UQCRQ: variants seen among roughly 807,000 people sequenced by gnomAD.
UQCRQ encodes ubiquinol-cytochrome c reductase complex III subunit VII, also known as cytochrome b-c1 complex subunit 8.
A neutral mutation model predicts 7.9 loss-of-function variants in UQCRQ; 9 were observed. That is an observed-to-expected ratio of 1.13 (90% CI 0.68 to 1.98). The LOEUF is 1.98. Among genes scored for constraint, UQCRQ ranks in the 30% most tolerant of loss-of-function variants. The probability of loss-of-function intolerance (pLI) is 0.00; values close to 1 mark genes in which losing one functional copy is unlikely to be tolerated. For missense variants in UQCRQ, 112 were observed against 109.7 expected (o/e 1.02, Z -0.10); for synonymous variants, 50 against 41.9 (o/e 1.19, Z -0.75).
rs1759659384 is a variant in UQCRQ at position 132,867,356 on chromosome 5, A to C, written c.155-132A>C. 7.7e-6 allele frequency: 6 copies of C among 775,126 alleles called. No homozygotes were observed. The Admixed American group carries it at 1.3e-4, about 17-fold the overall frequency. The allele number at this position is 775,126 out of a possible 1,614,324, so 48.0% of individuals were successfully genotyped here. On this transcript the variant is annotated intron_variant, in intron 2 of 2. Coordinates refer to ENST00000378670, the MANE Select transcript of UQCRQ (RefSeq NM_014402.5). ...TAAACGTGCAGCAGATAGTGATGAT[A>C]GTTGCATGGCCTTGGATATGCTAAG...
At position 132,866,691 on chromosome 5, in the gene UQCRQ, C is replaced by G. The variant is rs997885904; in HGVS notation, c.-14+4C>G. ...TGTGGAGGGCGAGCTGAGCCCTGTG[C>G]GTGAGTGGGGTCTGGTTGTGCAGTG... is the stretch of plus-strand genomic sequence containing the variant. On this transcript the variant is annotated splice_donor_region_variant and intron_variant, in intron 1 of 2. Coordinates refer to ENST00000378670, the MANE Select transcript of UQCRQ (RefSeq NM_014402.5). 6.0e-6 allele frequency: 4 copies of G among 669,942 alleles called. No individual in the cohort carries two copies. Among genetic ancestry groups the G allele is most frequent in the East Asian group, 5.5e-5 (2 of 36,476 alleles). The allele number at this position is 669,942 out of a possible 1,614,324, so 41.5% of individuals were successfully genotyped here.
chr5:132,866,764 A>G, intron 1 of UQCRQ, 77 bp downstream of exon 1: 5 of 1,437,294 alleles, frequency 3.5e-6, no homozygotes, highest in Non-Finnish European at 4.7e-6. Flanking sequence ...CTGGGAAAGG[A>G]TAAGGAGTGC....
intron 2 of UQCRQ, chr5:132,867,281 C>A: frequency 1.4e-6 from 1 of 696,876 alleles, no homozygotes; most frequent in Non-Finnish European, 2.4e-6. Flanking sequence ...CAGCATGTTC[C>A]TCTGAGGTCA....
chr5:132,867,052 C>T lies in UQCRQ; in HGVS notation c.154+17C>T, dbSNP rs145649482. The T allele has an allele frequency of 0.02, 31,903 of 1,613,260 alleles. 404 individuals are homozygous for T. The highest frequency in any genetic ancestry group is 0.024 in the Non-Finnish European group (27,784 of 1,179,678). On this transcript the variant is annotated intron_variant, in intron 2 of 2. Transcript: ENST00000378670. ...TGGTGCCGCGTGAGTGCCTTGGGCC[C>T]GCGGGAGCGGGAGGCTGGACCCCAG...
rs1759668299 is a variant in UQCRQ, at chr5:132,867,557, C to T, written c.224C>T (p.Pro75Leu). The change falls in exon 3 of 3, where the codon CCA becomes CTA. Residue 75 changes from proline to leucine, a missense_variant. By Grantham distance (98) the Pro-to-Leu change is moderately conservative. Transcript: ENST00000378670. Reference sequence around the variant, plus strand: ...TTCGAGAGATCCAAGAGGAAGAATCCAGCTGCCTATGAAAATGACAAATGA... The same window carrying T: ...TTCGAGAGATCCAAGAGGAAGAATCTAGCTGCCTATGAAAATGACAAATGA... ...EEFERSKRKN[P>L]AAYENDK 6.2e-7 allele frequency: 1 copy of T among 1,614,080 alleles called. No homozygotes were observed. The highest frequency in any genetic ancestry group is 1.3e-5 in the African/African-American group (1 of 75,016).
rs777465775 is a variant in UQCRQ, at chr5:132,866,887, C to A, written c.6C>A (p.Gly2=). The A allele has an allele frequency of 2.5e-6, 4 of 1,613,792 alleles. No individual in the cohort carries two copies. The South Asian group carries it at 4.4e-5, about 18-fold the overall frequency. The change falls in exon 2 of 3, where the codon GGC becomes GGA. Residue 2 remains glycine (G), a synonymous_variant. Coordinates refer to ENST00000378670, the MANE Select transcript of UQCRQ (RefSeq NM_014402.5). The stretch of plus-strand genomic sequence containing the variant: ...CCTGCAGGGCCGCCGCCACAATGGG[C>A]CGCGAGTTTGGGAATCTGACGCGGA... The part of the protein sequence containing the change: M[G]REFGNLTRMR...
rs1759668786 is a variant in UQCRQ, at chr5:132,867,564, C to T, written c.231C>T (p.Ala77=). ...FERSKRKNPA[A]YENDK ...GATCCAAGAGGAAGAATCCAGCTGC[C>T]TATGAAAATGACAAATGAGCAACGC... Residue 77 remains alanine, a synonymous_variant, in exon 3 of 3, where the codon GCC becomes GCT. Coordinates refer to ENST00000378670, the MANE Select transcript of UQCRQ (RefSeq NM_014402.5). 4 of 1,614,026 alleles carry T rather than the reference C, an allele frequency of 2.5e-6. No homozygotes were observed. In the South Asian group the frequency reaches 4.4e-5, roughly 18 times the overall value.
intron 2 of UQCRQ, 137 bp from the exon 3 acceptor site, chr5:132,867,351 A>G: frequency 1.3e-6 from 1 of 767,230 alleles, no homozygotes; most frequent in South Asian, 1.5e-5. Flanking sequence ...GCAGATAGTG[A>G]TGATAGTTGC....
Position 132,868,755 on chromosome 5 carries a change from AG to A in UQCRQ, c.*1175del, listed in dbSNP as rs67367845. 0.46 allele frequency among the ~76,000 whole-genome samples: 69,916 copies of A among 151,920 alleles called. 16,767 individuals are homozygous for A. Among genetic ancestry groups the A allele is most frequent in the South Asian group, 0.59 (2,833 of 4,810 alleles). ...CACAGCAGTTTTCTGTTTCTGTGCC[AG>A]GAGGCCAACAATGTTTTCAACCATA... On this transcript the variant is annotated 3_prime_UTR_variant, in exon 3 of 3. Transcript: ENST00000378670.
At chr5:132,867,442 T>G in intron 2 of UQCRQ, 46 bp from the exon 3 acceptor site, 1 of 1,489,542 alleles carries the variant, frequency 6.7e-7, no homozygotes. Context: ...TTTTCTTCTA[T>G]ATGTCTTATA....
Position 132,867,872 on chromosome 5 carries a change from C to T in UQCRQ, c.*290C>T, listed in dbSNP as rs1244947810. The T allele has an allele frequency of 1.1e-5, 5 of 445,210 alleles. No homozygotes were observed. The highest frequency in any genetic ancestry group is 4.0e-5 in the African/African-American group (2 of 50,306). 27.6% of individuals were successfully genotyped at this position (445,210 alleles called of 1,614,324 possible). Reference sequence around the variant, plus strand: ...TAGCTGCAGGTACTCCTGCATCTAACCATTTGTGGGTGACATGGGCTATGG... The same window carrying T: ...TAGCTGCAGGTACTCCTGCATCTAATCATTTGTGGGTGACATGGGCTATGG... On this transcript the variant is annotated 3_prime_UTR_variant, in exon 3 of 3. Transcript: ENST00000378670.
rs757960750 is a variant in UQCRQ, at chr5:132,866,886, G to T, written c.5G>T (p.Gly2Val). 6.2e-7 allele frequency: 1 copy of T among 1,613,722 alleles called. No homozygotes were observed. Among genetic ancestry groups the T allele is most frequent in the Non-Finnish European group, 8.5e-7 (1 of 1,179,944 alleles). The change falls in exon 2 of 3, where the codon GGC becomes GTC. Residue 2 changes from glycine (G) to valine (V), a missense_variant. Coordinates refer to ENST00000378670, the MANE Select transcript of UQCRQ (RefSeq NM_014402.5). Reference protein sequence around the residue: MGREFGNLTRMR... With the variant: MVREFGNLTRMR... Reference sequence around the variant, plus strand: ...TCCTGCAGGGCCGCCGCCACAATGGGCCGCGAGTTTGGGAATCTGACGCGG... The same window carrying T: ...TCCTGCAGGGCCGCCGCCACAATGGTCCGCGAGTTTGGGAATCTGACGCGG...
intron 1 of UQCRQ, 27 bp from the exon 2 acceptor site, chr5:132,866,842 A>G (rs770254682): frequency 6.2e-7 from 1 of 1,609,790 alleles, no homozygotes; most frequent in East Asian, 2.2e-5. Context: ...AAGCGAGCCA[A>G]GCGCCTGTCC....
chr5:132,868,656 G>T lies in UQCRQ; in HGVS notation c.*1074G>T, dbSNP rs1759703069. On this transcript the variant is annotated 3_prime_UTR_variant, in exon 3 of 3. Coordinates refer to ENST00000378670, the MANE Select transcript of UQCRQ (RefSeq NM_014402.5). ...TGCGGTTGGACAAGCTTGCTCTACT[G>T]CCTTTCCTCCTAAGGCAGGCCTTAG... is the stretch of plus-strand genomic sequence containing the variant. Among the ~76,000 whole-genome samples, 2 of 152,116 alleles carry T rather than the reference G, an allele frequency of 1.3e-5. No individual in the cohort carries two copies. The highest frequency in any genetic ancestry group is 2.9e-5 in the Non-Finnish European group (2 of 68,014).
At position 132,866,855 on chromosome 5, in the gene UQCRQ, C is replaced by T. The variant is rs747320869; in HGVS notation, c.-13-14C>T. On this transcript the variant is annotated splice_polypyrimidine_tract_variant and intron_variant, in intron 1 of 2. Transcript: ENST00000378670. ...GAAAGCGAGCCAAGCGCCTGTCCAC[C>T]CTCGGTCCTGCAGGGCCGCCGCCAC... 7.4e-6 allele frequency: 12 copies of T among 1,611,630 alleles called. No individual in the cohort carries two copies. In the Middle Eastern group the frequency reaches 5.1e-4, roughly 69 times the overall value.
chr5:132,868,020 AC>A lies in UQCRQ; in HGVS notation c.*441del, dbSNP rs1261977071. 4.5e-6 allele frequency: 1 copy of A among 219,798 alleles called. No individual in the cohort carries two copies. The highest frequency in any genetic ancestry group is 2.3e-5 in the African/African-American group (1 of 43,462). The allele number at this position is 219,798 out of a possible 1,614,324, so 13.6% of individuals were successfully genotyped here. A position where few individuals can be genotyped will look rare whatever the true frequency, so the allele number is the denominator to read the frequency against. The stretch of plus-strand genomic sequence containing the variant: ...TTTTGAGATGGAGTCTTGCTCTCTC[AC>A]CCAGGCTGGAGTGCAGTGGTGTGAT... On this transcript the variant is annotated 3_prime_UTR_variant, in exon 3 of 3. Transcript: ENST00000378670.
chr5:132,867,158 T>A, intron 2 of UQCRQ, 123 bp downstream of exon 2: 1 of 1,281,608 alleles, frequency 7.8e-7, no homozygotes, highest in Non-Finnish European at 1.1e-6. Flanking sequence ...CACACCTTTC[T>A]CATTGAATAT....
rs748317620 is a variant in UQCRQ at position 132,866,990 on chromosome 5, A to C, written c.109A>C (p.Asn37His). ...YPHVFTKGIP[N>H]VLRRIRESFF... ...GCACGTCTTCACTAAAGGAATCCCC[A>C]ATGTTCTGCGCCGCATTCGGGAGTC... Residue 37 changes from asparagine to histidine, a missense_variant, in exon 2 of 3, where the codon AAT becomes CAT. Asn to His is a moderately conservative substitution (Grantham distance 68). Transcript: ENST00000378670. 1.2e-6 allele frequency: 2 copies of C among 1,614,052 alleles called. No homozygotes were observed. The highest frequency in any genetic ancestry group is 4.5e-5 in the East Asian group (2 of 44,884).
At position 132,866,738 on chromosome 5, in the gene UQCRQ, G is replaced by A. The variant is rs1016423189; in HGVS notation, c.-14+51G>A. On this transcript the variant is annotated intron_variant, in intron 1 of 2. Coordinates refer to ENST00000378670, the MANE Select transcript of UQCRQ (RefSeq NM_014402.5). ...AGTGTTCGTGGACCCTGGGAGGCTA[G>A]GGGCGCCCCGCTGGGCTGGGAAAGG... 4.2e-6 allele frequency: 5 copies of A among 1,188,036 alleles called. No individual in the cohort carries two copies. In the African/African-American group the frequency reaches 6.1e-5, roughly 14 times the overall value. 73.6% of individuals were successfully genotyped at this position (1,188,036 alleles called of 1,614,324 possible).
Sources: gnomAD v4.1 joint callset for allele counts (sites outside exome capture counted in the v4.1 genomes callset) on GRCh38, gnomAD v4.1.1 for gene constraint, MANE v1.5 for transcripts, NCBI Gene and HGNC (gene_info 2026-07-23, HGNC 2026-07-21) for gene names.